The following HSD17B12 variants were observed in gnomAD, a reference collection of about 807,000 sequenced individuals.
The protein encoded by HSD17B12 is very-long-chain 3-oxoacyl-CoA reductase.
A neutral mutation model predicts 39.3 loss-of-function variants in HSD17B12; 32 were observed. The observed-to-expected ratio is 0.81, with a 90% CI of 0.61 to 1.09. The LOEUF (loss-of-function observed/expected upper bound fraction) is 1.09, where lower values mean the gene tolerates loss of function less well. Ranked by LOEUF, HSD17B12 falls within the 50% of genes least tolerant of loss-of-function variation. The pLI, the probability that HSD17B12 is intolerant of heterozygous loss-of-function variation, is 0.00. For synonymous variants in HSD17B12, 150 were observed against 146.7 expected (o/e 1.02, Z -0.16); for missense variants, 342 against 382.9 (o/e 0.89, Z 0.89).
the HSD17B12 span, among the ~76,000 whole-genome samples, chr11:43,666,788 G>A: frequency 8.5e-5 from 13 of 152,270 alleles, no homozygotes; most frequent in Admixed American, 2.6e-4. Flanking sequence ...GACATTTTCT[G>A]GTATTCTGAT....
At chr11:43,563,017 T>C in the HSD17B12 span, among the ~76,000 whole-genome samples, 5 of 152,180 alleles carry the variant, frequency 3.3e-5, no homozygotes, top group African/African-American at 1.2e-4. Flanking sequence ...CCTCCTTGAA[T>C]GCTGTGAGAG....
intron 6 of HSD17B12, among the ~76,000 whole-genome samples, chr11:43,818,780 C>T (rs983819602): frequency 1.3e-5 from 2 of 152,124 alleles, no homozygotes; most frequent in African/African-American, 4.8e-5. Context: ...AGGAATATAT[C>T]TAATAGTCCC....
intron 1 of HSD17B12, among the ~76,000 whole-genome samples, chr11:43,744,840 G>T (rs1590713221): frequency 6.6e-6 from 1 of 152,230 alleles, no homozygotes; most frequent in East Asian, 1.9e-4. Flanking sequence ...AGCAAAGGTT[G>T]TAGCTGATAC....
chr11:43,712,937 C>T (rs963280424), intron 1 of HSD17B12, among the ~76,000 whole-genome samples: 2 of 152,150 alleles, frequency 1.3e-5, no homozygotes, highest in East Asian at 1.9e-4. Context: ...CCATACTACC[C>T]GTTTGTTTAA....
chr11:43,817,528 G>T (rs1283991521), intron 6 of HSD17B12, among the ~76,000 whole-genome samples: 2 of 152,120 alleles, frequency 1.3e-5, no homozygotes. Context: ...TTTGTATAAG[G>T]TGATAGATGG....
chr11:43,592,338 A>C, the HSD17B12 span, among the ~76,000 whole-genome samples: 1 of 152,154 alleles, frequency 6.6e-6, no homozygotes, highest in South Asian at 2.1e-4. Flanking sequence ...AAATTAAAGT[A>C]GTAGATTCTG....
At chr11:43,576,558 T>C in the HSD17B12 span, 2 of 152,222 alleles carry the variant, frequency 1.3e-5, no homozygotes, top group Non-Finnish European at 2.9e-5. Context: ...CCATCCACTT[T>C]CTCTTTCCTC....
At chr11:43,580,330 G>T in the HSD17B12 span, among the ~76,000 whole-genome samples, 15 of 136,892 alleles carry the variant, frequency 1.1e-4, no homozygotes, top group African/African-American at 4.1e-4. Flanking sequence ...TGACGGGTTC[G>T]CCCCTTGTTG....
chr11:43,721,490 G>A (rs928165314), intron 1 of HSD17B12, among the ~76,000 whole-genome samples: 5 of 152,058 alleles, frequency 3.3e-5, no homozygotes, highest in East Asian at 1.9e-4. Context: ...ATGGTGGCAC[G>A]TGCCTGTAGT....
At chr11:43,763,586 T>TTATATA (rs144415393) in intron 3 of HSD17B12, among the ~76,000 whole-genome samples, 495 of 145,868 alleles carry the variant, frequency 3.4e-3, no homozygotes, top group African/African-American at 0.012. Flanking sequence ...TTTTATACCC[T>TTATATA]TATATATATA....
chr11:43,626,680 C>T, the HSD17B12 span, among the ~76,000 whole-genome samples: 5 of 151,824 alleles, frequency 3.3e-5, no homozygotes, highest in Non-Finnish European at 7.4e-5. Flanking sequence ...ACAAACTTTC[C>T]ATTTCAACCC....
chr11:43,566,226 A>G, the HSD17B12 span, among the ~76,000 whole-genome samples: 1 of 152,230 alleles, frequency 6.6e-6, no homozygotes, highest in Non-Finnish European at 1.5e-5. Context: ...GTTAATAAAT[A>G]TGGGGCTCAT....
At chr11:43,583,181 T>C in the HSD17B12 span, among the ~76,000 whole-genome samples, 1 of 152,166 alleles carries the variant, frequency 6.6e-6, no homozygotes, top group African/African-American at 2.4e-5. Flanking sequence ...GAAGTGAACT[T>C]GCACAGAAGA....
chr11:43,792,586 G>A (rs375578138), intron 3 of HSD17B12, among the ~76,000 whole-genome samples: 23 of 150,966 alleles, frequency 1.5e-4, no homozygotes, highest in African/African-American at 4.9e-4. Flanking sequence ...GGTTTCTAAG[G>A]TTTCTTATAA....
At chr11:43,725,863 A>G (rs902734712) in intron 1 of HSD17B12, among the ~76,000 whole-genome samples, 4 of 152,168 alleles carry the variant, frequency 2.6e-5, no homozygotes, top group African/African-American at 9.7e-5. Context: ...AGAGGAACAG[A>G]TATGAGAAAA....
chr11:43,847,907 A>C (rs1268015713), intron 9 of HSD17B12, among the ~76,000 whole-genome samples: 1 of 152,154 alleles, frequency 6.6e-6, no homozygotes, highest in African/African-American at 2.4e-5. Context: ...GAGATGAGAG[A>C]AAACACAATT....
At chr11:43,602,301 A>G in the HSD17B12 span, among the ~76,000 whole-genome samples, 1 of 152,214 alleles carries the variant, frequency 6.6e-6, no homozygotes, top group Non-Finnish European at 1.5e-5. Context: ...CACGTTCCCC[A>G]TTTTCACTTC....
At chr11:43,816,828 C>T (rs1454969287) in intron 6 of HSD17B12, among the ~76,000 whole-genome samples, 1 of 151,852 alleles carries the variant, frequency 6.6e-6, no homozygotes, top group African/African-American at 2.4e-5. Flanking sequence ...TTTGCATCCT[C>T]GTAGCTTAGT....
intron 2 of HSD17B12, 114 bp from the exon 3 acceptor site, chr11:43,753,932 G>C: frequency 1.7e-6 from 1 of 603,242 alleles, no homozygotes; most frequent in Non-Finnish European, 2.9e-6. Context: ...ATTACACTTG[G>C]GTTTATATTT....
Sources: allele counts gnomAD v4.1 joint callset (sites outside exome capture counted in the v4.1 genomes callset), GRCh38; gene constraint gnomAD v4.1.1; transcripts MANE v1.5; gene names NCBI Gene and HGNC (gene_info 2026-07-23, HGNC 2026-07-21).